The following XYLT1 variants were observed in gnomAD, a reference collection of about 807,000 sequenced individuals.
The protein encoded by XYLT1 is beta-D-xylosyltransferase 1.
Under a neutral mutation model 91.3 loss-of-function variants are expected in XYLT1, and 36 were observed. That is an observed-to-expected ratio of 0.39 (90% CI 0.30 to 0.52). The LOEUF (loss-of-function observed/expected upper bound fraction) is 0.52. Among genes scored for constraint, XYLT1 ranks in the 20% least tolerant of loss-of-function variants. The probability of loss-of-function intolerance (pLI) is 0.68; values close to 1 mark genes in which losing one functional copy is unlikely to be tolerated. For missense variants in XYLT1, 1,242 were observed against 1,284.5 expected (o/e 0.97, Z 0.51); for synonymous variants, 588 against 532.0 (o/e 1.11, Z -1.45).
intron 1 of XYLT1, among the ~76,000 whole-genome samples, chr16:17,404,985 C>T (rs963137042): frequency 1.3e-5 from 2 of 152,184 alleles, no homozygotes; most frequent in African/African-American, 4.8e-5. Context: ...AATATTGCCA[C>T]ACACAAGCAC....
chr16:17,284,588 G>A (rs943333005), intron 2 of XYLT1, among the ~76,000 whole-genome samples: 4 of 152,156 alleles, frequency 2.6e-5, no homozygotes, highest in Admixed American at 6.5e-5. Context: ...AACACATACC[G>A]GGCAAAAGGT....
intron 2 of XYLT1, among the ~76,000 whole-genome samples, chr16:17,271,836 C>A (rs548642063): frequency 1.3e-5 from 2 of 152,316 alleles, no homozygotes; most frequent in Admixed American, 1.3e-4. Context: ...CATTCAGAAA[C>A]AGCCTTTCTT....
rs147427604 is a variant in XYLT1, at chr16:17,385,587, C to T, written c.364-27537G>A. On this transcript the variant is annotated intron_variant, in intron 1 of 11. Transcript: ENST00000261381. ...TTCCAATGCCCATGCACTAGTTTCA[C>T]GGTTTTTGCCATATTTCTGTACCAC... 1.1e-3 allele frequency among the ~76,000 whole-genome samples: 166 copies of T among 151,956 alleles called. 2 individuals are homozygous for T. The highest frequency in any genetic ancestry group is 3.6e-3 in the African/African-American group (150 of 41,548).
At chr16:17,380,603 GA>G (rs1294433663) in intron 1 of XYLT1, among the ~76,000 whole-genome samples, 1 of 152,158 alleles carries the variant, frequency 6.6e-6, no homozygotes. Context: ...ATTAAATATA[GA>G]AAAACTAGAT....
chr16:17,325,515 A>G (rs2034787153), intron 2 of XYLT1, among the ~76,000 whole-genome samples: 1 of 152,200 alleles, frequency 6.6e-6, no homozygotes, highest in Non-Finnish European at 1.5e-5. Context: ...ATTTAATCTA[A>G]TATTAAATGG....
At chr16:17,306,300 G>A (rs916603563) in intron 2 of XYLT1, among the ~76,000 whole-genome samples, 1 of 152,078 alleles carries the variant, frequency 6.6e-6, no homozygotes, top group African/African-American at 2.4e-5. Flanking sequence ...ATAAATGAGA[G>A]GAGAAAAATT....
intron 1 of XYLT1, among the ~76,000 whole-genome samples, chr16:17,399,805 C>T (rs2035941338): frequency 1.3e-5 from 2 of 152,316 alleles, no homozygotes; most frequent in South Asian, 4.2e-4. Context: ...CACCACCACC[C>T]ACAGCTGCAC....
intron 5 of XYLT1, chr16:17,194,345 G>A (rs572528858): frequency 1.3e-5 from 2 of 152,378 alleles, no homozygotes; most frequent in Admixed American, 1.3e-4. Context: ...GGACTCTTTA[G>A]GGGAGGTGGC....
intron 1 of XYLT1, among the ~76,000 whole-genome samples, chr16:17,436,934 A>C (rs1273396677): frequency 1.3e-5 from 2 of 152,226 alleles, no homozygotes; most frequent in African/African-American, 4.8e-5. Context: ...AAGTCCACAC[A>C]GCCATGCATG....
intron 1 of XYLT1, among the ~76,000 whole-genome samples, chr16:17,467,114 G>A (rs959735080): frequency 2.0e-5 from 3 of 152,148 alleles, no homozygotes; most frequent in Non-Finnish European, 4.4e-5. Flanking sequence ...CAAAGGCGTC[G>A]GATAATACAG....
intron 6 of XYLT1, among the ~76,000 whole-genome samples, chr16:17,154,449 C>T (rs1369832613): frequency 4.6e-5 from 7 of 152,226 alleles, no homozygotes; most frequent in Non-Finnish European, 8.8e-5. Context: ...TCCCCACACA[C>T]TGAGACTTGA....
intron 2 of XYLT1, among the ~76,000 whole-genome samples, chr16:17,260,784 T>C (rs2033710933): frequency 6.6e-6 from 1 of 152,248 alleles, no homozygotes; most frequent in African/African-American, 2.4e-5. Context: ...CTTTCTGGTC[T>C]GAAAAGCTTA....
intron 2 of XYLT1, among the ~76,000 whole-genome samples, chr16:17,313,754 C>T (rs773401179): frequency 2.6e-5 from 4 of 151,648 alleles, no homozygotes; most frequent in Non-Finnish European, 4.4e-5. Context: ...AGACATGGAG[C>T]GACTGTGGTT....
At chr16:17,132,230 C>T (rs543294875) in intron 9 of XYLT1, among the ~76,000 whole-genome samples, 1 of 152,306 alleles carries the variant, frequency 6.6e-6, no homozygotes, top group Admixed American at 6.5e-5. Flanking sequence ...GGGAGAGAGA[C>T]TCCCTGGTGA....
rs1432621721 is a variant in XYLT1 at position 17,102,027 on chromosome 16, C to T, written c.*6668G>A. On this transcript the variant is annotated 3_prime_UTR_variant, in exon 12 of 12. Coordinates refer to ENST00000261381, the MANE Select transcript of XYLT1 (RefSeq NM_022166.4). ...TCAGTACGGGTTTAAAAATCATATA[C>T]TTCTGCCTCAACCAGGAGGTACTTA... is the stretch of plus-strand genomic sequence containing the variant. The T allele has an allele frequency of 6.6e-6, 1 of 152,186 alleles. No homozygotes were observed. Among genetic ancestry groups the T allele is most frequent in the Non-Finnish European group, 1.5e-5 (1 of 68,038 alleles). 9.4% of individuals were successfully genotyped at this position (152,186 alleles called of 1,614,324 possible).
intron 2 of XYLT1, among the ~76,000 whole-genome samples, chr16:17,319,634 T>TA (rs2034687183): frequency 1.3e-5 from 2 of 152,058 alleles, no homozygotes; most frequent in South Asian, 2.1e-4. Context: ...GTACAGTCAG[T>TA]TTCACCATAT....
chr16:17,226,109 T>C (rs1376561666), intron 3 of XYLT1, among the ~76,000 whole-genome samples: 3 of 152,108 alleles, frequency 2.0e-5, no homozygotes, highest in Non-Finnish European at 4.4e-5. Context: ...TGGAGGCTGT[T>C]ATGGTTAAAT....
chr16:17,334,179 T>G (rs1048201181), intron 2 of XYLT1, among the ~76,000 whole-genome samples: 25 of 152,180 alleles, frequency 1.6e-4, no homozygotes, highest in African/African-American at 5.3e-4. Flanking sequence ...TTCAGAACTG[T>G]GAGCAATACA....
At chr16:17,377,735 C>T (rs1396710904) in intron 1 of XYLT1, among the ~76,000 whole-genome samples, 2 of 152,162 alleles carry the variant, frequency 1.3e-5, no homozygotes, top group African/African-American at 4.8e-5. Flanking sequence ...TCTAGCTTAA[C>T]CACGTGATGC....
Sources: gnomAD v4.1 joint callset for allele counts (sites outside exome capture counted in the v4.1 genomes callset) on GRCh38, gnomAD v4.1.1 for gene constraint, MANE v1.5 for transcripts, NCBI Gene and HGNC (gene_info 2026-07-23, HGNC 2026-07-21) for gene names.